DMD: variants seen among roughly 807,000 people sequenced by gnomAD.
The protein encoded by DMD is dystrophin, also known as mutant dystrophin.
DMD carries 63 observed loss-of-function variants against 330.1 expected under a neutral mutation model. The observed-to-expected ratio is 0.19, with a 90% CI of 0.16 to 0.24. The LOEUF (loss-of-function observed/expected upper bound fraction) is 0.24. DMD is among the 10% of genes least tolerant of loss of function. The pLI is 1.00. For synonymous variants in DMD, 1,223 were observed against 959.8 expected, an observed-to-expected ratio of 1.27 and a Z score of -5.07; for missense variants, 3,344 against 2,684.1, an observed-to-expected ratio of 1.25 and a Z score of -5.43.
chrX:32,052,804 A>G (rs1374144466), intron 44 of DMD, among the ~76,000 whole-genome samples: 1 of 111,333 alleles, frequency 9.0e-6, no homozygotes, highest in Non-Finnish European at 1.9e-5. Context: ...AGAGTAGTAG[A>G]TCCAAATATC....
At chrX:31,738,359 C>A (rs2087031221) in intron 51 of DMD, among the ~76,000 whole-genome samples, 1 of 111,602 alleles carries the variant, frequency 9.0e-6, no homozygotes, top group Admixed American at 9.5e-5. Flanking sequence ...AAATGAAAAT[C>A]AAAATTACAA....
intron 1 of DMD, among the ~76,000 whole-genome samples, chrX:33,333,066 C>A (rs1238566338): frequency 1.8e-5 from 2 of 110,652 alleles, no homozygotes; most frequent in Non-Finnish European, 3.8e-5. Flanking sequence ...GTAACAAGAA[C>A]TAAATTTGCC....
Position 32,384,829 on chromosome X carries a change from T to C in DMD, c.4674+1481A>G, listed in dbSNP as rs191881935. 9.4e-3 allele frequency among the ~76,000 whole-genome samples: 1,047 copies of C among 111,100 alleles called. 14 individuals are homozygous for C. Among genetic ancestry groups the C allele is most frequent in the African/African-American group, 0.032 (985 of 30,820 alleles). ...AGAACCTGAGTTGTAAAAATATAAC[T>C]TTTTATCCTCCAAGAAATTCAGTTC... On this transcript the variant is annotated intron_variant, in intron 33 of 78. Transcript: ENST00000357033.
At chrX:32,169,473 G>T (rs968561838) in intron 44 of DMD, among the ~76,000 whole-genome samples, 1 of 111,377 alleles carries the variant, frequency 9.0e-6, no homozygotes, top group Non-Finnish European at 1.9e-5. Flanking sequence ...ATAAAAGGGG[G>T]GTATTTTATT....
chrX:33,004,531 G>C (rs368554837), intron 2 of DMD, among the ~76,000 whole-genome samples: 2 of 111,097 alleles, frequency 1.8e-5, no homozygotes, highest in Non-Finnish European at 3.8e-5. Context: ...TAATATGATA[G>C]TTTTCCCTAA....
At chrX:33,089,918 G>A (rs2095062239) in intron 1 of DMD, among the ~76,000 whole-genome samples, 1 of 111,350 alleles carries the variant, frequency 9.0e-6, no homozygotes, top group Non-Finnish European at 1.9e-5. Context: ...TTAAGGAGAA[G>A]GAGCAAGAAG....
intron 2 of DMD, among the ~76,000 whole-genome samples, chrX:32,957,245 T>G (rs2091647361): frequency 9.0e-6 from 1 of 111,664 alleles, no homozygotes; most frequent in African/African-American, 3.3e-5. Flanking sequence ...GTTTTTTTAT[T>G]TAATACTTTT....
At chrX:31,610,541 A>C (rs2077853728) in intron 55 of DMD, among the ~76,000 whole-genome samples, 1 of 112,044 alleles carries the variant, frequency 8.9e-6, no homozygotes, top group South Asian at 3.7e-4. Context: ...AAATCAAATC[A>C]AAACAAAACC....
intron 44 of DMD, among the ~76,000 whole-genome samples, chrX:32,002,107 C>T (rs113512369): frequency 0.045 from 5,057 of 111,443 alleles, 108 homozygotes; most frequent in African/African-American, 0.067. Context: ...CAGAATGCAA[C>T]GCACAACTGT....
At chrX:31,557,445 A>T (rs1320368013) in intron 55 of DMD, among the ~76,000 whole-genome samples, 3 of 111,927 alleles carry the variant, frequency 2.7e-5, no homozygotes, top group African/African-American at 9.7e-5. Context: ...AGTCATCTCC[A>T]GTCTGGGTAT....
chrX:31,570,487 G>C (rs2075750210), intron 55 of DMD, among the ~76,000 whole-genome samples: 1 of 110,967 alleles, frequency 9.0e-6, no homozygotes, highest in Admixed American at 9.6e-5. Flanking sequence ...CTACATCCCA[G>C]GAAAGGAGTA....
chrX:32,521,187 T>A lies in DMD; in HGVS notation c.2169-3056A>T, dbSNP rs146561872. On this transcript the variant is annotated intron_variant, in intron 17 of 78. Coordinates refer to ENST00000357033, the MANE Select transcript of DMD (RefSeq NM_004006.3). ...ATCCAATTTCTAGTATTTGTTTATTTTGAGACGGAGTCTCACTCTGTCACC... is the reference window on the plus strand; with the variant it reads ...ATCCAATTTCTAGTATTTGTTTATTATGAGACGGAGTCTCACTCTGTCACC... Among the ~76,000 whole-genome samples the A allele has an allele frequency of 4.6e-3, 520 of 112,213 alleles. 3 individuals carry two copies. Among genetic ancestry groups the A allele is most frequent in the African/African-American group, 0.016 (490 of 30,875 alleles).
chrX:32,510,202 T>G (rs1291236036), intron 18 of DMD, among the ~76,000 whole-genome samples: 2 of 112,003 alleles, frequency 1.8e-5, no homozygotes, highest in Admixed American at 1.9e-4. Context: ...TGAATTCTTC[T>G]GCTGCTAAAC....
chrX:31,512,647 A>G, intron 55 of DMD, among the ~76,000 whole-genome samples: 1 of 110,213 alleles, frequency 9.1e-6, no homozygotes, highest in Non-Finnish European at 1.9e-5. Flanking sequence ...ATAGTTGTAG[A>G]TATGCGGCAT....
rs1928332523 is a variant in DMD, at chrX:32,048,733, T to C, written c.6439-80219A>G. Among the ~76,000 whole-genome samples, 7 of 111,415 alleles carry C rather than the reference T, an allele frequency of 6.3e-5. No individual in the cohort carries two copies. In the Admixed American group the frequency reaches 6.7e-4, roughly 11 times the overall value. ...GTTGTTTTCTTTATGGATGGATACC[T>C]GGTACCTGCAACAAAACCTGGCACA... On this transcript the variant is annotated intron_variant, in intron 44 of 78. Transcript: ENST00000357033.
intron 23 of DMD, among the ~76,000 whole-genome samples, chrX:32,465,237 A>G (rs1426106012): frequency 1.8e-5 from 2 of 112,124 alleles, no homozygotes; most frequent in African/African-American, 6.5e-5. Flanking sequence ...AGTAATGATC[A>G]GGTAAAAATC....
chrX:32,693,706 G>A (rs1164817056), intron 9 of DMD, among the ~76,000 whole-genome samples: 2 of 112,003 alleles, frequency 1.8e-5, no homozygotes, highest in Non-Finnish European at 1.9e-5. Flanking sequence ...TCCAAAAGAG[G>A]CGGGATTACA....
At position 32,405,690 on chromosome X, in the gene DMD, A is replaced by C. The variant is rs752977648; in HGVS notation, c.4233+6062T>G. Reference sequence around the variant, plus strand: ...TACTTTGAAGTCAGGTAGCATGATGACTCCAGCTTTATTCTTTTGGCTTAG... The same window carrying C: ...TACTTTGAAGTCAGGTAGCATGATGCCTCCAGCTTTATTCTTTTGGCTTAG... On this transcript the variant is annotated intron_variant, in intron 30 of 78. Transcript: ENST00000357033. Among the ~76,000 whole-genome samples, 5 of 110,894 alleles carry C rather than the reference A, an allele frequency of 4.5e-5. No individual in the cohort carries two copies. The East Asian group carries it at 8.6e-4, about 19-fold the overall frequency.
At chrX:32,921,810 T>A (rs913706705) in intron 2 of DMD, among the ~76,000 whole-genome samples, 6 of 111,708 alleles carry the variant, frequency 5.4e-5, no homozygotes, top group Admixed American at 3.8e-4. Context: ...TATAAGCATA[T>A]TCATCCAACC....
Sources: gnomAD v4.1 joint callset for allele counts (sites outside exome capture counted in the v4.1 genomes callset) on GRCh38, gnomAD v4.1.1 for gene constraint, MANE v1.5 for transcripts, NCBI Gene and HGNC (gene_info 2026-07-23, HGNC 2026-07-21) for gene names.